ARID4B: variants seen among roughly 807,000 people sequenced by gnomAD.
ARID4B encodes AT-rich interactive domain-containing protein 4B.
In ARID4B, 26 loss-of-function variants were observed where a neutral mutation model predicts 147.5. The observed-to-expected ratio is 0.18, with a 90% CI of 0.13 to 0.24. The LOEUF (loss-of-function observed/expected upper bound fraction) is 0.24. Ranked by LOEUF, ARID4B falls within the 10% of genes least tolerant of loss-of-function variation. The pLI is 1.00. For synonymous variants in ARID4B, 512 were observed against 507.9 expected, an observed-to-expected ratio of 1.01 and a Z score of -0.11; for missense variants, 1,179 against 1,511.5, an observed-to-expected ratio of 0.78 and a Z score of 3.65.
intron 17 of ARID4B, among the ~76,000 whole-genome samples, chr1:235,202,446 C>T (rs537747620): frequency 6.7e-6 from 1 of 150,358 alleles, no homozygotes; most frequent in South Asian, 2.1e-4. Context: ...GATCACTTAA[C>T]ATTCAACTAA....
intron 6 of ARID4B, among the ~76,000 whole-genome samples, chr1:235,247,342 A>C (rs1198873118): frequency 1.3e-5 from 2 of 152,216 alleles, no homozygotes; most frequent in African/African-American, 4.8e-5. Flanking sequence ...CATCTAAACT[A>C]ATGTAATATG....
intron 16 of ARID4B, among the ~76,000 whole-genome samples, chr1:235,218,332 C>A (rs1019402153): frequency 6.6e-6 from 1 of 152,016 alleles, no homozygotes; most frequent in African/African-American, 2.4e-5. Flanking sequence ...ACAGTTTATT[C>A]TATAAAATAA....
At chr1:235,286,111 T>G (rs1671955283) in intron 2 of ARID4B, among the ~76,000 whole-genome samples, 1 of 152,194 alleles carries the variant, frequency 6.6e-6, no homozygotes, top group Non-Finnish European at 1.5e-5. Context: ...TGTGGCTCAC[T>G]GCAGCCTTGA....
chr1:235,229,209 G>C, intron 11 of ARID4B, 22 bp downstream of exon 11: 1 of 1,601,870 alleles, frequency 6.2e-7, no homozygotes, highest in Non-Finnish European at 8.5e-7. Context: ...AATTTTAAAA[G>C]GTATCAACTG....
At chr1:235,305,252 T>G (rs995342763) in intron 2 of ARID4B, among the ~76,000 whole-genome samples, 5 of 152,090 alleles carry the variant, frequency 3.3e-5, no homozygotes, top group Non-Finnish European at 7.4e-5. Context: ...CTCTAGAAGC[T>G]GGAAAAGAGG....
intron 2 of ARID4B, among the ~76,000 whole-genome samples, chr1:235,301,038 CTTTTTTTT>C (rs780839339): frequency 0.015 from 1,651 of 112,292 alleles, 56 homozygotes; most frequent in African/African-American, 0.056. Context: ...TTTAAGTATT[CTTTTTTTT>C]TTTTTTTTTT....
intron 2 of ARID4B, among the ~76,000 whole-genome samples, chr1:235,322,751 A>G (rs1026196136): frequency 3.3e-5 from 5 of 152,278 alleles, no homozygotes; most frequent in Admixed American, 2.6e-4. Flanking sequence ...TACCTGATAT[A>G]TGAAACGGGT....
Position 235,234,485 on chromosome 1 carries a change from C to G in ARID4B, c.593G>C (p.Cys198Ser). 6.2e-7 allele frequency: 1 copy of G among 1,602,602 alleles called. No individual in the cohort carries two copies. Among genetic ancestry groups the G allele is most frequent in the Non-Finnish European group, 8.5e-7 (1 of 1,171,890 alleles). ...KALWFPALVV[C>S]PDCSDEIAVK... ...AGCAATCTCATCACTACAATCAGGACAAACCACCTTTTAAGAAAAAGGGTG... is the reference window on the plus strand; with the variant it reads ...AGCAATCTCATCACTACAATCAGGAGAAACCACCTTTTAAGAAAAAGGGTG... The change falls in exon 9 of 24, where the codon TGT becomes TCT. Residue 198 changes from cysteine to serine, a missense_variant. Physicochemically the swap from Cys to Ser is moderately radical, Grantham distance 112. Coordinates refer to ENST00000264183, the MANE Select transcript of ARID4B (RefSeq NM_016374.6).
chr1:235,295,044 T>C (rs901268355), intron 2 of ARID4B, among the ~76,000 whole-genome samples: 3 of 151,736 alleles, frequency 2.0e-5, no homozygotes, highest in Non-Finnish European at 4.4e-5. Flanking sequence ...TTTATTTTCA[T>C]TTAAAAAGTA....
At chr1:235,286,515 A>G (rs1671984674) in intron 2 of ARID4B, among the ~76,000 whole-genome samples, 1 of 152,236 alleles carries the variant, frequency 6.6e-6, no homozygotes, top group South Asian at 2.1e-4. Context: ...ACGAAGAAGG[A>G]CGTAAATCTA....
In ARID4B at chr1:235,268,372, C is replaced by CAT. The variant is rs533817109; in HGVS notation, c.7-7621_7-7620insAT. On this transcript the variant is annotated intron_variant, in intron 2 of 23. Transcript: ENST00000264183. ...ATATATATATGTGTATATATACATA[C>CAT]ACACACACACACACACAGAAAAATA... Among the ~76,000 whole-genome samples, 11 of 76,400 alleles carry CAT rather than the reference C, an allele frequency of 1.4e-4. No homozygotes were observed. The Admixed American group carries it at 1.9e-3, about 13-fold the overall frequency. The allele number at this position is 76,400 out of a possible 152,430, so 50.1% of individuals were successfully genotyped here.
chr1:235,297,761 C>G (rs184652922), intron 2 of ARID4B, among the ~76,000 whole-genome samples: 20 of 152,188 alleles, frequency 1.3e-4, no homozygotes, highest in Admixed American at 1.2e-3. Flanking sequence ...CAGGAAATTA[C>G]AGGGGTTAAA....
chr1:235,169,344 C>T (rs1434731625), intron 23 of ARID4B, among the ~76,000 whole-genome samples: 3 of 151,774 alleles, frequency 2.0e-5, no homozygotes, highest in African/African-American at 7.3e-5. Context: ...GAGTTCACGC[C>T]ATTCTCCTGC....
chr1:235,216,297 A>G (rs185904510), intron 16 of ARID4B, among the ~76,000 whole-genome samples: 32 of 150,262 alleles, frequency 2.1e-4, no homozygotes, highest in Non-Finnish European at 3.1e-4. Flanking sequence ...TCTGAGATAT[A>G]CATATATATG....
At chr1:235,188,861 A>G (rs1402274418) in intron 19 of ARID4B, among the ~76,000 whole-genome samples, 3 of 152,166 alleles carry the variant, frequency 2.0e-5, no homozygotes, top group African/African-American at 7.2e-5. Context: ...GCAATTTCCA[A>G]ATCAGTTTAG....
chr1:235,290,353 G>T (rs1262641050), intron 2 of ARID4B, among the ~76,000 whole-genome samples: 1 of 150,888 alleles, frequency 6.6e-6, no homozygotes, highest in Non-Finnish European at 1.5e-5. Context: ...TGAGGCAGGA[G>T]AACTGCTTGA....
At chr1:235,323,992 G>A (rs1164311658) in intron 2 of ARID4B, among the ~76,000 whole-genome samples, 1 of 150,662 alleles carries the variant, frequency 6.6e-6, no homozygotes, top group Admixed American at 6.6e-5. Context: ...TGCAACCTCC[G>A]CCTCCTGGGT....
chr1:235,181,030 C>T, intron 20 of ARID4B: 1 of 755,972 alleles, frequency 1.3e-6, no homozygotes, highest in Non-Finnish European at 1.6e-6. Flanking sequence ...AATTTGGAAG[C>T]TATGCATCTA....
Position 235,206,037 on chromosome 1 carries a change from C to G in ARID4B, c.1841+7732G>C, listed in dbSNP as rs189331706. On this transcript the variant is annotated intron_variant, in intron 17 of 23. Coordinates refer to ENST00000264183, the MANE Select transcript of ARID4B (RefSeq NM_016374.6). ...GGGTCAAGCCATATCTGTCCCAATC[C>G]CCTATTATAGGTATCACTTTAAAAA... Among the ~76,000 whole-genome samples the G allele has an allele frequency of 5.9e-5, 9 of 152,146 alleles. No homozygotes were observed. The East Asian group carries it at 1.7e-3, about 29-fold the overall frequency.
Sources: gnomAD v4.1 joint callset for allele counts (sites outside exome capture counted in the v4.1 genomes callset) on GRCh38, gnomAD v4.1.1 for gene constraint, MANE v1.5 for transcripts, NCBI Gene and HGNC (gene_info 2026-07-23, HGNC 2026-07-21) for gene names.